Variants in HEATR5B observed in about 807,000 individuals in gnomAD.
HEATR5B encodes HEAT repeat containing 5B.
Under a neutral mutation model 224.1 loss-of-function variants are expected in HEATR5B, and 156 were observed. That is an observed-to-expected ratio of 0.70 (90% CI 0.61 to 0.80). The LOEUF is 0.80. HEATR5B is among the 30% of genes least tolerant of loss of function. The pLI is 0.00. For missense variants in HEATR5B, 2,323 were observed against 2,535.5 expected, an observed-to-expected ratio of 0.92 and a Z score of 1.80; for synonymous variants, 1,027 against 893.0, an observed-to-expected ratio of 1.15 and a Z score of -2.68.
Position 36,981,498 on chromosome 2 carries a change from A to T in HEATR5B, c.6208T>A (p.Phe2070Ile), listed in dbSNP as rs770516285. 6.3e-7 allele frequency: 1 copy of T among 1,593,384 alleles called. No individual in the cohort carries two copies. The highest frequency in any genetic ancestry group is 8.5e-7 in the Non-Finnish European group (1 of 1,171,224). ...ATAAATGAAATTACAAATTAAAAAA[A>T]ACTTGTTTTTAGCTTAATTGTTGGT... ...SAPTIKLKTS[F>I]F Residue 2070 changes from phenylalanine (F) to isoleucine (I), a missense_variant, in exon 36 of 36, where the codon TTT becomes ATT. By Grantham distance (21) the Phe-to-Ile change is conservative. Transcript: ENST00000233099.
rs1397841035 is a variant in HEATR5B at position 37,068,932 on chromosome 2, T to C, written c.928-2A>G. 6.2e-7 allele frequency: 1 copy of C among 1,607,592 alleles called. No homozygotes were observed. The highest frequency in any genetic ancestry group is 1.7e-5 in the Admixed American group (1 of 59,612). On this transcript the variant is annotated splice_acceptor_variant, in intron 7 of 35. Transcript: ENST00000233099. LOFTEE classifies it high-confidence loss of function. ...TGTTGTCACAAAAACAACATACGCC[T>C]GTAAAAAGAGGAAGGTACGACTTCA... is the stretch of plus-strand genomic sequence containing the variant.
intron 18 of HEATR5B, among the ~76,000 whole-genome samples, chr2:37,043,721 T>C (rs748651280): frequency 1.3e-5 from 2 of 152,240 alleles, no homozygotes; most frequent in Admixed American, 6.5e-5. Flanking sequence ...ATGAACTAAA[T>C]GGCTGGCATC....
At chr2:37,003,489 A>C in intron 31 of HEATR5B, 53 bp downstream of exon 31, 1 of 1,283,902 alleles carries the variant, frequency 7.8e-7, no homozygotes, top group Non-Finnish European at 1.1e-6. Context: ...TATTTTAAAA[A>C]TTAGAGTATA....
At chr2:37,033,201 T>C (rs1053144976) in intron 21 of HEATR5B, among the ~76,000 whole-genome samples, 6 of 152,150 alleles carry the variant, frequency 3.9e-5, no homozygotes, top group Admixed American at 2.6e-4. Context: ...TATTAACATC[T>C]TACTTCTGAA....
intron 24 of HEATR5B, among the ~76,000 whole-genome samples, chr2:37,022,840 G>A (rs1668546818): frequency 6.6e-6 from 1 of 152,080 alleles, no homozygotes; most frequent in African/African-American, 2.4e-5. Flanking sequence ...CCAGAACAAA[G>A]TCCAAAATTA....
chr2:37,019,547 C>T (rs1668338810), intron 26 of HEATR5B, among the ~76,000 whole-genome samples: 1 of 151,640 alleles, frequency 6.6e-6, no homozygotes, highest in Admixed American at 6.6e-5. Flanking sequence ...GCCTTGACCT[C>T]CTAGGCTCAA....
chr2:37,067,704 G>A (rs537467213), intron 8 of HEATR5B, among the ~76,000 whole-genome samples: 7 of 152,274 alleles, frequency 4.6e-5, no homozygotes, highest in Non-Finnish European at 7.4e-5. Flanking sequence ...CCTGAGAGGT[G>A]GAGGTTGTAG....
At chr2:37,079,409 A>G in intron 2 of HEATR5B, 78 bp from the exon 3 acceptor site, 3 of 678,660 alleles carry the variant, frequency 4.4e-6, no homozygotes, top group South Asian at 3.9e-5. Context: ...AAAAACACTT[A>G]ACACTTAAGG....
At position 37,053,387 on chromosome 2, in the gene HEATR5B, G is replaced by T. The variant is rs1670682560; in HGVS notation, c.2505+115C>A. 3 of 465,994 alleles carry T rather than the reference G, an allele frequency of 6.4e-6. No homozygotes were observed. In the East Asian group the frequency reaches 1.0e-4, roughly 16 times the overall value. 28.9% of individuals were successfully genotyped at this position (465,994 alleles called of 1,614,324 possible). On this transcript the variant is annotated intron_variant, in intron 17 of 35. Coordinates refer to ENST00000233099, the MANE Select transcript of HEATR5B (RefSeq NM_019024.3). ...AGTAATTTAACTAAGCTAACGTAAA[G>T]GCACAGTTACCAAGTGATTTACATA...
chr2:36,996,026 C>G (rs1666679693), intron 33 of HEATR5B, among the ~76,000 whole-genome samples: 1 of 151,380 alleles, frequency 6.6e-6, no homozygotes, highest in Admixed American at 6.6e-5. Context: ...GCTGGGACCA[C>G]AGGCACACGT....
chr2:37,007,091 G>T lies in HEATR5B; in HGVS notation c.4736C>A (p.Ser1579Tyr), dbSNP rs1218398983. ...TCTGTCTTTGTTAATTTCTGGCAAA[G>T]ATTTAGCACTACCCACTGCTCCTGA... ...QASGAVGSAK[S>Y]LPEINKDRMH... Residue 1579 changes from serine (S) to tyrosine (Y), a missense_variant, in exon 29 of 36, where the codon TCT becomes TAT. By Grantham distance (144) the Ser-to-Tyr change is moderately radical (BLOSUM62 -2). Around this residue, in one of 12 missense-constraint regions of HEATR5B, gnomAD observed 844 missense variants for 812.9 expected, o/e 1.04. Transcript: ENST00000233099. The T allele has an allele frequency of 6.2e-7, 1 of 1,614,072 alleles. No individual in the cohort carries two copies. Among genetic ancestry groups the T allele is most frequent in the Non-Finnish European group, 8.5e-7 (1 of 1,179,974 alleles).
chr2:36,981,789 G>A lies in HEATR5B; in HGVS notation c.5917C>T (p.Gln1973Ter). 1 of 1,602,984 alleles carries A rather than the reference G, an allele frequency of 6.2e-7. No individual in the cohort carries two copies. The highest frequency in any genetic ancestry group is 8.5e-7 in the Non-Finnish European group (1 of 1,174,242). ...VALGEEQNRV[Q>*]LLALLVPTLI... ...GTGGGAACTAAAAGAGCAAGTAGCT[G>A]GACTCCTGTAAATAATAAAGTATGA... The change falls in exon 36 of 36, where the codon CAG (glutamine) becomes TAG (stop). Residue 1973 changes from glutamine to a stop codon, truncating the protein, a stop_gained. Transcript: ENST00000233099. LOFTEE classifies it high-confidence loss of function.
chr2:37,083,520 A>C (rs1192951756), intron 1 of HEATR5B, 84 bp from the exon 2 acceptor site: 1 of 961,712 alleles, frequency 1.0e-6, no homozygotes, highest in East Asian at 2.6e-5. Flanking sequence ...CACTAAGAAA[A>C]GTAGGACTAC....
chr2:37,079,343 A>C lies in HEATR5B; in HGVS notation c.127-12T>G, dbSNP rs1192960879. 1 of 1,514,524 alleles carries C rather than the reference A, an allele frequency of 6.6e-7. No individual in the cohort carries two copies. Among genetic ancestry groups the C allele is most frequent in the South Asian group, 1.2e-5 (1 of 80,958 alleles). The allele number at this position is 1,514,524 out of a possible 1,614,324, so 93.8% of individuals were successfully genotyped here. On this transcript the variant is annotated splice_polypyrimidine_tract_variant and intron_variant, in intron 2 of 35. Transcript: ENST00000233099. ...TCCTTTACATCGGTCTGTTACAAAA[A>C]AAATTTTTAAAAGAACATCATTAAA...
At chr2:37,044,092 CT>C (rs1388880066) in intron 18 of HEATR5B, among the ~76,000 whole-genome samples, 3 of 152,076 alleles carry the variant, frequency 2.0e-5, no homozygotes, top group African/African-American at 7.2e-5. Flanking sequence ...ATTTTACATT[CT>C]TTTTTTGAAC....
Position 37,072,168 on chromosome 2 carries a change from T to C in HEATR5B, c.711A>G (p.Ala237=). The C allele has an allele frequency of 6.2e-7, 1 of 1,614,066 alleles. No individual in the cohort carries two copies. The highest frequency in any genetic ancestry group is 8.5e-7 in the Non-Finnish European group (1 of 1,179,918). ...LENSNYGVRV[A]VSKLLGTVMA... Reference sequence around the variant, plus strand: ...TGACTGTTCCTAAAAGTTTAGACACTGCCACTCGTACCCCATAATTTGAGT... The same window carrying C: ...TGACTGTTCCTAAAAGTTTAGACACCGCCACTCGTACCCCATAATTTGAGT... The change falls in exon 6 of 36, where the codon GCA becomes GCG. Residue 237 remains alanine (A), a synonymous_variant. Transcript: ENST00000233099.
intron 33 of HEATR5B, 54 bp from the exon 34 acceptor site, chr2:36,990,853 A>AT: frequency 7.7e-6 from 11 of 1,427,470 alleles, no homozygotes; most frequent in Non-Finnish European, 1.0e-5. Context: ...TTGGCATTTT[A>AT]TTTTTTTATT....
chr2:37,041,159 G>A lies in HEATR5B; in HGVS notation c.2830C>T (p.Gln944Ter). 1 of 1,613,934 alleles carries A rather than the reference G, an allele frequency of 6.2e-7. No individual in the cohort carries two copies. The highest frequency in any genetic ancestry group is 8.5e-7 in the Non-Finnish European group (1 of 1,179,910). The part of the protein sequence containing the change: ...TSVSILLALA[Q>*]DGTSPEVQTW... Reference sequence around the variant, plus strand: ...TGGACTTCAGGGGATGTCCCATCTTGTGCTAGAGCCAATAAAATGCTGACA... The same window carrying A: ...TGGACTTCAGGGGATGTCCCATCTTATGCTAGAGCCAATAAAATGCTGACA... The change falls in exon 19 of 36, where the codon CAA becomes TAA. Residue 944 changes from glutamine (Q) to a stop codon, truncating the protein, a stop_gained. Coordinates refer to ENST00000233099, the MANE Select transcript of HEATR5B (RefSeq NM_019024.3). LOFTEE classifies it high-confidence loss of function.
In HEATR5B at chr2:37,082,052, C is replaced by CT. The variant is rs61036576; in HGVS notation, c.126+1236dup. ...ATCAGACATTTGAGGGAAGTATCTA[C>CT]TTTTTTTTTTTTTTTTTTTTTTTTT... On this transcript the variant is annotated intron_variant, in intron 2 of 35. Coordinates refer to ENST00000233099, the MANE Select transcript of HEATR5B (RefSeq NM_019024.3). Among the ~76,000 whole-genome samples the CT allele has an allele frequency of 7.6e-3, 183 of 23,940 alleles. 36 individuals are homozygous for CT. The highest frequency in any genetic ancestry group is 0.013 in the African/African-American group (87 of 6,788). The allele number at this position is 23,940 out of a possible 152,430, so 15.7% of individuals were successfully genotyped here.
Sources: allele counts gnomAD v4.1 joint callset (sites outside exome capture counted in the v4.1 genomes callset), GRCh38; gene constraint gnomAD v4.1.1; regional missense constraint gnomAD v4.1.1; transcripts MANE v1.5; gene names NCBI Gene and HGNC (gene_info 2026-07-23, HGNC 2026-07-21).